The following NFASC variants were observed in gnomAD, a reference collection of about 807,000 sequenced individuals.
NFASC encodes the protein neurofascin homolog.
Under a neutral mutation model 147.5 loss-of-function variants are expected in NFASC, and 43 were observed. That is an observed-to-expected ratio of 0.29 (90% CI 0.23 to 0.38). NFASC has a LOEUF of 0.38. Among genes scored for constraint, NFASC ranks in the 10% least tolerant of loss-of-function variants. The probability of loss-of-function intolerance (pLI) is 1.00; values close to 1 mark genes in which losing one functional copy is unlikely to be tolerated. For missense variants in NFASC, 1,320 were observed against 1,689.0 expected, an observed-to-expected ratio of 0.78 and a Z score of 3.83; for synonymous variants, 622 against 665.5, an observed-to-expected ratio of 0.93 and a Z score of 1.01.
chr1:204,999,779 A>T (rs1328361703), intron 25 of NFASC: 1 of 152,264 alleles, frequency 6.6e-6, no homozygotes, highest in Non-Finnish European at 1.5e-5. Context: ...CCAGCCCTGC[A>T]GGCTCAGTCA....
At chr1:204,915,299 A>T (rs1249980395) in intron 1 of NFASC, among the ~76,000 whole-genome samples, 2 of 152,196 alleles carry the variant, frequency 1.3e-5, no homozygotes, top group Non-Finnish European at 2.9e-5. Flanking sequence ...AAAAATAAAA[A>T]TAATAATAAC....
chr1:204,845,083 T>C (rs1003823418), intron 1 of NFASC, among the ~76,000 whole-genome samples: 4 of 152,204 alleles, frequency 2.6e-5, no homozygotes, highest in Non-Finnish European at 5.9e-5. Context: ...CTTCCCTCTG[T>C]GCCCGAGCTG....
Position 204,954,468 on chromosome 1 carries a change from T to A in NFASC, c.412+84T>A. 6.1e-6 allele frequency: 8 copies of A among 1,311,292 alleles called. No homozygotes were observed. Among genetic ancestry groups the A allele is most frequent in the Non-Finnish European group, 8.5e-6 (8 of 945,866 alleles). 81.2% of individuals were successfully genotyped at this position (1,311,292 alleles called of 1,614,324 possible). On this transcript the variant is annotated intron_variant, in intron 6 of 29. Coordinates refer to ENST00000339876, the MANE Select transcript of NFASC (RefSeq NM_001005388.3). The surrounding 1 kb of genome is among the most constrained non-coding windows in gnomAD (Gnocchi z 5.7). The stretch of plus-strand genomic sequence containing the variant: ...GTGTGGAAGGCCATTCCAGAAGGGC[T>A]GCCCCTGCCCTTGGCCTGCAGTTGC...
chr1:204,931,882 A>G lies in NFASC; in HGVS notation c.-91+11142A>G, dbSNP rs149716793. On this transcript the variant is annotated intron_variant, in intron 2 of 29. Coordinates refer to ENST00000339876, the MANE Select transcript of NFASC (RefSeq NM_001005388.3). ...CATCAGATCCTATTCTAACACAAAA[A>G]CAGTCCTCAACAGGCTTTGGAGAAC... Among the ~76,000 whole-genome samples, 221 of 152,140 alleles carry G rather than the reference A, an allele frequency of 1.5e-3. 2 individuals are homozygous for G. In the Middle Eastern group the frequency reaches 0.024, roughly 16 times the overall value.
chr1:204,910,270 T>C (rs2087030417), intron 1 of NFASC, among the ~76,000 whole-genome samples: 1 of 152,160 alleles, frequency 6.6e-6, no homozygotes, highest in South Asian at 2.1e-4. Flanking sequence ...TTCTGTGTAG[T>C]TTTAGCATAC....
Position 204,971,659 on chromosome 1 carries a change from A to G in NFASC, c.1135+912A>G, listed in dbSNP as rs144888109. Reference sequence around the variant, plus strand: ...ACTTTCAAACATTTAAGGTAAGGAAATAAGGTTCTCCTCAGTGCAATGAGT... The same window carrying G: ...ACTTTCAAACATTTAAGGTAAGGAAGTAAGGTTCTCCTCAGTGCAATGAGT... On this transcript the variant is annotated intron_variant, in intron 11 of 29. Transcript: ENST00000339876. Among the ~76,000 whole-genome samples the G allele has an allele frequency of 5.5e-3, 842 of 152,320 alleles. 11 individuals are homozygous for G. The highest frequency in any genetic ancestry group is 0.01 in the South Asian group (50 of 4,826).
At chr1:204,885,384 C>G (rs536935290) in intron 1 of NFASC, among the ~76,000 whole-genome samples, 15 of 146,576 alleles carry the variant, frequency 1.0e-4, no homozygotes, top group Non-Finnish European at 2.1e-4. Context: ...CTCCCCTTTG[C>G]CCTGTGGGGG....
chr1:204,887,801 T>C (rs770625997), intron 1 of NFASC, among the ~76,000 whole-genome samples: 3 of 152,084 alleles, frequency 2.0e-5, no homozygotes, highest in Non-Finnish European at 4.4e-5. Flanking sequence ...TTTTGCCATG[T>C]TGGCCAGGCT....
At position 204,843,638 on chromosome 1, in the gene NFASC, C is replaced by T. The variant is rs1270848855; in HGVS notation, c.-200+14856C>T. 1.6e-4 allele frequency among the ~76,000 whole-genome samples: 17 copies of T among 107,564 alleles called. 1 individual carries two copies. The Admixed American group carries it at 1.6e-3, about 10-fold the overall frequency. The allele number at this position is 107,564 out of a possible 152,430, so 70.6% of individuals were successfully genotyped here. A position where few individuals can be genotyped will look rare whatever the true frequency, so the allele number is the denominator to read the frequency against. ...TTCCTTCCTTCCTTCCTCCCTCCCT[C>T]CCTCCCTCCCTCCCTCCCTTCCTTC... On this transcript the variant is annotated intron_variant, in intron 1 of 29. Transcript: ENST00000339876.
In NFASC at chr1:204,967,357, C is replaced by T. The variant is rs539343652; in HGVS notation, c.707-892C>T. Among the ~76,000 whole-genome samples, 17 of 152,180 alleles carry T rather than the reference C, an allele frequency of 1.1e-4. No individual in the cohort carries two copies. In the East Asian group the frequency reaches 2.1e-3, roughly 19 times the overall value. On this transcript the variant is annotated intron_variant, in intron 8 of 29. Coordinates refer to ENST00000339876, the MANE Select transcript of NFASC (RefSeq NM_001005388.3). ...GAGCTCTGGGGGAAGAGGTGAGGCT[C>T]GGGGAAGGTGGAATTCACTCTGTCA... is the stretch of plus-strand genomic sequence containing the variant.
intron 3 of NFASC, 66 bp downstream of exon 3, chr1:204,944,472 G>GGGTGGGA: frequency 2.5e-6 from 1 of 402,578 alleles, no homozygotes; most frequent in Non-Finnish European, 5.0e-6. Flanking sequence ...GGAGGGGAGG[G>GGGTGGGA]AAGGTCAGAG....
chr1:204,979,192 A>AG lies in NFASC; in HGVS notation c.1978+124dup. ...TTGATGTGTGTCCTGGGCTAACCTC[A>AG]GAATGTACAGAGGCCTTGGTGTCTC... On this transcript the variant is annotated intron_variant, in intron 18 of 29. Coordinates refer to ENST00000339876, the MANE Select transcript of NFASC (RefSeq NM_001005388.3). The surrounding 1 kb of genome is among the most constrained non-coding windows in gnomAD (Gnocchi z 6.0). 1.0e-6 allele frequency: 1 copy of AG among 965,836 alleles called. No individual in the cohort carries two copies. The allele number at this position is 965,836 out of a possible 1,614,324, so 59.8% of individuals were successfully genotyped here.
At chr1:205,000,700 G>C (rs1284795118) in intron 25 of NFASC, 1 of 182,896 alleles carries the variant, frequency 5.5e-6, no homozygotes. Context: ...GGTGGCGGGG[G>C]CCTGTAATCT....
chr1:205,002,820 T>A (rs2096019117), intron 27 of NFASC, 72 bp downstream of exon 27: 1 of 1,229,054 alleles, frequency 8.1e-7, no homozygotes. Flanking sequence ...GCTTCCTGCT[T>A]GCCTCTCTCC....
chr1:204,923,948 A>T (rs927267387), intron 2 of NFASC, among the ~76,000 whole-genome samples: 8 of 152,158 alleles, frequency 5.3e-5, no homozygotes, highest in Non-Finnish European at 1.2e-4. Flanking sequence ...GGCTGTTTGA[A>T]ACAGCATGTC....
At chr1:204,871,917 C>T (rs1448959489) in intron 1 of NFASC, among the ~76,000 whole-genome samples, 1 of 152,142 alleles carries the variant, frequency 6.6e-6, no homozygotes, top group African/African-American at 2.4e-5. Context: ...GAGATGTGTA[C>T]TGGTTTGTTG....
At chr1:204,834,184 C>G (rs993658942) in intron 1 of NFASC, among the ~76,000 whole-genome samples, 6 of 151,992 alleles carry the variant, frequency 3.9e-5, no homozygotes, top group African/African-American at 1.5e-4. Flanking sequence ...CCACCTTCTC[C>G]CTGGTCCATG....
Position 204,979,065 on chromosome 1 carries a change from C to T in NFASC, c.1974C>T (p.Ile658=). Residue 658 remains isoleucine (I), a synonymous_variant, in exon 18 of 30, where the codon ATC becomes ATT. Coordinates refer to ENST00000339876, the MANE Select transcript of NFASC (RefSeq NM_001005388.3). The surrounding 1 kb of genome is among the most constrained non-coding windows in gnomAD (Gnocchi z 6.0). ...WIPGDANNSP[I]TDYVVQFEED... The stretch of plus-strand genomic sequence containing the variant: ...CCGGGGATGCTAACAACAGCCCCAT[C>T]ACAGGTAGCTCAGGGCCTTGCACCC... 6.4e-7 allele frequency: 1 copy of T among 1,556,306 alleles called. No individual in the cohort carries two copies. The highest frequency in any genetic ancestry group is 2.4e-5 in the East Asian group (1 of 41,326).
intron 1 of NFASC, among the ~76,000 whole-genome samples, chr1:204,856,159 G>A (rs894985859): frequency 6.6e-5 from 10 of 152,072 alleles, no homozygotes; most frequent in Non-Finnish European, 1.5e-4. Flanking sequence ...CTTTGCCCTC[G>A]AGAGCTTGCA....
Sources: gnomAD v4.1 joint callset for allele counts (sites outside exome capture counted in the v4.1 genomes callset) on GRCh38, gnomAD v4.1.1 for gene constraint, Gnocchi (gnomAD v3.1) non-coding constraint, MANE v1.5 for transcripts, NCBI Gene and HGNC (gene_info 2026-07-23, HGNC 2026-07-21) for gene names.